The following VAT1L variants were observed in gnomAD, a reference collection of about 807,000 sequenced individuals.
The protein encoded by VAT1L is putative NADPH-dependent quinone oxidoreductase VAT1L.
In VAT1L, 34 loss-of-function variants were observed where a neutral mutation model predicts 44.1. The observed-to-expected ratio is 0.77, with a 90% CI of 0.59 to 1.03. The LOEUF is 1.03. Among genes scored for constraint, VAT1L ranks in the 50% least tolerant of loss-of-function variants. The pLI is 0.00. For synonymous variants in VAT1L, 253 were observed against 202.2 expected (o/e 1.25, Z -2.13); for missense variants, 615 against 538.8 (o/e 1.14, Z -1.40).
Position 77,822,953 on chromosome 16 carries a change from T to C in VAT1L, c.364-2293T>C, listed in dbSNP as rs147667718. On this transcript the variant is annotated intron_variant, in intron 2 of 8. Coordinates refer to ENST00000302536, the MANE Select transcript of VAT1L (RefSeq NM_020927.3). ...GAGGTGGCCAGACTCACTTAGAACA[T>C]TGTTGATGCTGTCTCCAACTGTCTC... 3.3e-5 allele frequency among the ~76,000 whole-genome samples: 5 copies of C among 152,176 alleles called. 1 individual carries two copies. The highest frequency in any genetic ancestry group is 1.2e-4 in the African/African-American group (5 of 41,526).
chr16:77,900,923 C>G (rs28406721), intron 7 of VAT1L, among the ~76,000 whole-genome samples: 1 of 151,968 alleles, frequency 6.6e-6, no homozygotes, highest in African/African-American at 2.4e-5. Flanking sequence ...TGATGCTTTT[C>G]TAAGCAGAGA....
intron 1 of VAT1L, among the ~76,000 whole-genome samples, chr16:77,796,744 A>T (rs967887815): frequency 6.6e-6 from 1 of 152,210 alleles, no homozygotes; most frequent in African/African-American, 2.4e-5. Context: ...TTTCTTGCCT[A>T]GCGTTCTCAC....
intron 5 of VAT1L, among the ~76,000 whole-genome samples, chr16:77,876,943 C>T (rs180953482): frequency 2.6e-5 from 4 of 152,262 alleles, no homozygotes; most frequent in East Asian, 1.9e-4. Context: ...GAGCATCCCA[C>T]GCAAGACAGA....
chr16:77,819,000 A>AT (rs11410141), intron 2 of VAT1L, among the ~76,000 whole-genome samples: 27,010 of 150,936 alleles, frequency 0.18, 2,520 homozygotes, highest in Admixed American at 0.25. Context: ...GCCAGGACTG[A>AT]TTTTTTTTTT....
chr16:77,828,994 C>T (rs113856632), intron 3 of VAT1L, among the ~76,000 whole-genome samples: 8 of 152,350 alleles, frequency 5.3e-5, no homozygotes, highest in African/African-American at 1.9e-4. Flanking sequence ...CTACCACTTT[C>T]CTGGGGCTGC....
At chr16:77,922,081 T>C (rs1048222906) in intron 7 of VAT1L, among the ~76,000 whole-genome samples, 1 of 152,126 alleles carries the variant, frequency 6.6e-6, no homozygotes, top group Admixed American at 6.5e-5. Flanking sequence ...TTTTTCAGGT[T>C]AGCACCTACT....
chr16:77,900,482 G>A (rs1331932949), intron 7 of VAT1L, among the ~76,000 whole-genome samples: 1 of 151,930 alleles, frequency 6.6e-6, no homozygotes, highest in Non-Finnish European at 1.5e-5. Context: ...ATCAGGTTAG[G>A]TCAGCAGTTT....
At chr16:77,789,006 G>A in intron 1 of VAT1L, 91 bp downstream of exon 1, 2 of 1,377,426 alleles carry the variant, frequency 1.5e-6, no homozygotes, top group East Asian at 2.7e-5. Flanking sequence ...ATGCTGCCCG[G>A]GTAGAACCGC....
intron 7 of VAT1L, among the ~76,000 whole-genome samples, chr16:77,950,427 C>T (rs2018028875): frequency 6.6e-6 from 1 of 150,960 alleles, no homozygotes; most frequent in African/African-American, 2.4e-5. Flanking sequence ...CACACACACA[C>T]ACACACACAC....
intron 7 of VAT1L, among the ~76,000 whole-genome samples, chr16:77,964,658 G>C (rs1163447561): frequency 6.6e-6 from 1 of 152,140 alleles, no homozygotes; most frequent in South Asian, 2.1e-4. Context: ...GAATGGATGG[G>C]TTGGGAGTGT....
intron 7 of VAT1L, among the ~76,000 whole-genome samples, chr16:77,970,737 G>C (rs1375703395): frequency 6.6e-6 from 1 of 152,172 alleles, no homozygotes; most frequent in African/African-American, 2.4e-5. Context: ...TAAAGTTCCA[G>C]AAAAGCAATT....
chr16:77,805,315 C>T (rs1011700720), intron 1 of VAT1L, among the ~76,000 whole-genome samples: 1 of 151,824 alleles, frequency 6.6e-6, no homozygotes, highest in African/African-American at 2.4e-5. Flanking sequence ...GGCACTTGAG[C>T]AAATCAAAAA....
At chr16:77,955,199 GAA>G (rs1320445051) in intron 7 of VAT1L, among the ~76,000 whole-genome samples, 1 of 152,194 alleles carries the variant, frequency 6.6e-6, no homozygotes, top group African/African-American at 2.4e-5. Context: ...GAGAGATATA[GAA>G]AAAGTTTTTA....
chr16:77,942,041 T>G (rs573891100), intron 7 of VAT1L, among the ~76,000 whole-genome samples: 18 of 152,330 alleles, frequency 1.2e-4, no homozygotes, highest in African/African-American at 4.1e-4. Flanking sequence ...CTCATTGTGG[T>G]TTTGATTCGC....
chr16:77,833,190 G>A (rs2016599117), intron 3 of VAT1L, among the ~76,000 whole-genome samples: 1 of 152,226 alleles, frequency 6.6e-6, no homozygotes, highest in African/African-American at 2.4e-5. Flanking sequence ...TAGGAGTTCG[G>A]TAGGGAATAA....
chr16:77,799,439 C>T (rs1433462228), intron 1 of VAT1L, among the ~76,000 whole-genome samples: 3 of 151,940 alleles, frequency 2.0e-5, no homozygotes, highest in Admixed American at 2.0e-4. Context: ...ACCTGTGCCT[C>T]ATGCTCTCTT....
intron 3 of VAT1L, among the ~76,000 whole-genome samples, chr16:77,835,263 T>C (rs1172300769): frequency 1.3e-5 from 2 of 152,182 alleles, no homozygotes; most frequent in African/African-American, 4.8e-5. Flanking sequence ...GGAAAAATCA[T>C]TCCCAGTGAT....
intron 5 of VAT1L, 66 bp downstream of exon 5, chr16:77,876,539 G>C (rs1041215782): frequency 7.0e-7 from 1 of 1,428,046 alleles, no homozygotes; most frequent in Non-Finnish European, 9.9e-7. Flanking sequence ...GCCTGCAAAG[G>C]CTCTGAAAAG....
intron 7 of VAT1L, among the ~76,000 whole-genome samples, chr16:77,956,023 G>C (rs1201301279): frequency 6.6e-6 from 1 of 152,090 alleles, no homozygotes; most frequent in African/African-American, 2.4e-5. Flanking sequence ...GCACAGTGGG[G>C]TGACTATAGT....
Sources: allele counts gnomAD v4.1 joint callset (sites outside exome capture counted in the v4.1 genomes callset), GRCh38; gene constraint gnomAD v4.1.1; transcripts MANE v1.5; gene names NCBI Gene and HGNC (gene_info 2026-07-23, HGNC 2026-07-21).